Variants in ZBTB33 observed in about 807,000 individuals in gnomAD.
ZBTB33 encodes the protein transcriptional regulator Kaiso.
In ZBTB33, 11 loss-of-function variants were observed where a neutral mutation model predicts 25.9. The ratio of observed to expected loss-of-function variants is 0.42; its 90% CI spans 0.27 to 0.70. The LOEUF (loss-of-function observed/expected upper bound fraction) is 0.70, where lower values mean the gene tolerates loss of function less well. Ranked by LOEUF, ZBTB33 falls within the 30% of genes least tolerant of loss-of-function variation. The probability of loss-of-function intolerance (pLI) is 0.23; values close to 1 mark genes in which losing one functional copy is unlikely to be tolerated. For synonymous variants in ZBTB33, 157 were observed against 184.8 expected, an observed-to-expected ratio of 0.85 and a Z score of 1.22; for missense variants, 343 against 501.1, an observed-to-expected ratio of 0.68 and a Z score of 3.01.
In ZBTB33 at chrX:120,258,171, T is replaced by C. The variant is rs1358108333; in HGVS notation, c.*2737T>C. 4.1e-5 allele frequency: 5 copies of C among 123,301 alleles called. No individual in the cohort carries two copies. Among genetic ancestry groups the C allele is most frequent in the African/African-American group, 1.6e-4 (5 of 30,806 alleles). The allele number at this position is 123,301 out of a possible 1,213,427, so 10.2% of individuals were successfully genotyped here. ...AAAATGGTAAACACTGATCAAGGTA[T>C]TTTGTATTGTCAAGGCATGCATATT... On this transcript the variant is annotated 3_prime_UTR_variant, in exon 3 of 3. Coordinates refer to ENST00000557385, the MANE Select transcript of ZBTB33 (RefSeq NM_001184742.2).
At position 120,256,986 on chromosome X, in the gene ZBTB33, GTTC is replaced by G. The variant is rs1174465403; in HGVS notation, c.*1557_*1559del. 4 of 122,214 alleles carry G rather than the reference GTTC, an allele frequency of 3.3e-5. No homozygotes were observed. Among genetic ancestry groups the G allele is most frequent in the Non-Finnish European group, 7.6e-5 (4 of 52,879 alleles). 10.1% of individuals were successfully genotyped at this position (122,214 alleles called of 1,213,427 possible). ...AATCATAATTTCTCATGTATACATCGTTCTTCTGATGGTAAGCTGGATTTGAAG... is the reference window on the plus strand; with the variant it reads ...AATCATAATTTCTCATGTATACATCGTTCTGATGGTAAGCTGGATTTGAAG... On this transcript the variant is annotated 3_prime_UTR_variant, in exon 3 of 3. Transcript: ENST00000557385.
chrX:120,251,150 G>C (rs2057596745), intron 1 of ZBTB33, among the ~76,000 whole-genome samples, 173 bp downstream of exon 1: 1 of 111,742 alleles, frequency 8.9e-6, no homozygotes, highest in Admixed American at 9.3e-5. Flanking sequence ...GAGGGGACGA[G>C]CCGCGAGGGC....
Position 120,253,833 on chromosome X carries a change from C to T in ZBTB33, c.418C>T (p.Pro140Ser), listed in dbSNP as rs147970553. Residue 140 changes from proline to serine, a missense_variant, in exon 3 of 3, where the codon CCT becomes TCT. Physicochemically the swap from Pro to Ser is moderately conservative, Grantham distance 74 (BLOSUM62 -1). Around this residue, in one of 2 missense-constraint regions of ZBTB33, gnomAD observed 304 missense variants for 410.0 expected, o/e 0.74. Coordinates refer to ENST00000557385, the MANE Select transcript of ZBTB33 (RefSeq NM_001184742.2). ...AQDGNTEPLP[P>S]DSGDKNLVIQ... ...GGATGGTAATACTGAGCCTTTACCT[C>T]CTGATTCTGGTGACAAGAACCTTGT... 169 of 1,209,378 alleles carry T rather than the reference C, an allele frequency of 1.4e-4. No homozygotes were observed. The East Asian group carries it at 3.6e-3, about 26-fold the overall frequency.
chrX:120,254,950 A>G lies in ZBTB33; in HGVS notation c.1535A>G (p.His512Arg). 1 of 1,212,152 alleles carries G rather than the reference A, an allele frequency of 8.2e-7. No homozygotes were observed. The highest frequency in any genetic ancestry group is 1.1e-6 in the Non-Finnish European group (1 of 895,591). Residue 512 changes from histidine to arginine, a missense_variant, in exon 3 of 3, where the codon CAT becomes CGT. Physicochemically the swap from His to Arg is conservative, Grantham distance 29. Coordinates refer to ENST00000557385, the MANE Select transcript of ZBTB33 (RefSeq NM_001184742.2). Reference sequence around the variant, plus strand: ...GTCTGTCTGACAAGCTTGCGGAGACATTTTAACATTCATTCTTGGGAGAAG... The same window carrying G: ...GTCTGTCTGACAAGCTTGCGGAGACGTTTTAACATTCATTCTTGGGAGAAG... ...SYVCLTSLRR[H>R]FNIHSWEKKY...
rs139977503 is a variant in ZBTB33, at chrX:120,255,614, G to T, written c.*180G>T. The T allele has an allele frequency of 1.2e-3, 509 of 433,817 alleles. 5 individuals are homozygous for T. The East Asian group carries it at 0.017, about 15-fold the overall frequency. 35.8% of individuals were successfully genotyped at this position (433,817 alleles called of 1,213,427 possible). A position where few individuals can be genotyped will look rare whatever the true frequency, so the allele number is the denominator to read the frequency against. On this transcript the variant is annotated 3_prime_UTR_variant, in exon 3 of 3. Transcript: ENST00000557385. ...AATTTTCCTGAAAGTTTTGAGTAGA[G>T]GTGAGACCCCCTCCCCAAGTATCTG...
Position 120,254,997 on chromosome X carries a change from G to C in ZBTB33, c.1582G>C (p.Glu528Gln). 1 of 1,212,004 alleles carries C rather than the reference G, an allele frequency of 8.3e-7. No homozygotes were observed. Among genetic ancestry groups the C allele is most frequent in the Non-Finnish European group, 1.1e-6 (1 of 895,544 alleles). ...GAAGAAGTATCCGTGCCGTTACTGT[G>C]AGAAGGTATTTCCTCTTGCAGAATA... ...WEKKYPCRYC[E>Q]KVFPLAEYRT... The change falls in exon 3 of 3, where the codon GAG becomes CAG. Residue 528 changes from glutamate (E) to glutamine (Q), a missense_variant. Glu to Gln is a conservative substitution (Grantham distance 29). Around this residue, in one of 2 missense-constraint regions of ZBTB33, gnomAD observed 304 missense variants for 410.0 expected, o/e 0.74. Transcript: ENST00000557385.
rs1410321573 is a variant in ZBTB33, at chrX:120,258,235, T to C, written c.*2801T>C. ...TGCTAACTTAACAGCACTGGCTTTC[T>C]GGCTGGTCAACTATATGAAACCTTG... On this transcript the variant is annotated 3_prime_UTR_variant, in exon 3 of 3. Coordinates refer to ENST00000557385, the MANE Select transcript of ZBTB33 (RefSeq NM_001184742.2). 1 of 123,364 alleles carries C rather than the reference T, an allele frequency of 8.1e-6. No homozygotes were observed. The allele number at this position is 123,364 out of a possible 1,213,427, so 10.2% of individuals were successfully genotyped here.
Position 120,255,491 on chromosome X carries a change from G to C in ZBTB33, c.*57G>C, listed in dbSNP as rs1419953267. 6.2e-6 allele frequency: 6 copies of C among 963,387 alleles called. No individual in the cohort carries two copies. The highest frequency in any genetic ancestry group is 8.6e-6 in the Non-Finnish European group (6 of 701,420). The allele number at this position is 963,387 out of a possible 1,213,427, so 79.4% of individuals were successfully genotyped here. On this transcript the variant is annotated 3_prime_UTR_variant, in exon 3 of 3. Coordinates refer to ENST00000557385, the MANE Select transcript of ZBTB33 (RefSeq NM_001184742.2). ...GGATGATGGGGCAGGGGTTTCAGAA[G>C]ATCTGTAAAACAAATTAAGGTGCGA...
Position 120,256,068 on chromosome X carries a change from A to G in ZBTB33, c.*634A>G, listed in dbSNP as rs1461455254. On this transcript the variant is annotated 3_prime_UTR_variant, in exon 3 of 3. Transcript: ENST00000557385. ...AGAATTAATCCTGGCTTTCATTGCC[A>G]TAGTCTGTAAAAGACTTTGGTGGCT... 2.4e-5 allele frequency: 3 copies of G among 123,241 alleles called. No homozygotes were observed. The highest frequency in any genetic ancestry group is 5.6e-5 in the Non-Finnish European group (3 of 53,251). 10.2% of individuals were successfully genotyped at this position (123,241 alleles called of 1,213,427 possible).
In ZBTB33 at chrX:120,257,381, T is replaced by TA. The variant is rs1156770603; in HGVS notation, c.*1948dup. 31 of 123,283 alleles carry TA rather than the reference T, an allele frequency of 2.5e-4. No individual in the cohort carries two copies. Among genetic ancestry groups the TA allele is most frequent in the Non-Finnish European group, 1.5e-4 (8 of 53,158 alleles). The allele number at this position is 123,283 out of a possible 1,213,427, so 10.2% of individuals were successfully genotyped here. On this transcript the variant is annotated 3_prime_UTR_variant, in exon 3 of 3. Coordinates refer to ENST00000557385, the MANE Select transcript of ZBTB33 (RefSeq NM_001184742.2). Reference sequence around the variant, plus strand: ...TAATTACTTCTACCGATGTGAATGATACGGATGCCGGCAGAGCTTCCAGAT... The same window carrying TA: ...TAATTACTTCTACCGATGTGAATGATAACGGATGCCGGCAGAGCTTCCAGAT...
chrX:120,256,673 A>G lies in ZBTB33; in HGVS notation c.*1239A>G, dbSNP rs1556015532. 8.1e-6 allele frequency: 1 copy of G among 123,289 alleles called. No individual in the cohort carries two copies. The highest frequency in any genetic ancestry group is 1.9e-5 in the Non-Finnish European group (1 of 53,107). The allele number at this position is 123,289 out of a possible 1,213,427, so 10.2% of individuals were successfully genotyped here. A position where few individuals can be genotyped will look rare whatever the true frequency, so the allele number is the denominator to read the frequency against. On this transcript the variant is annotated 3_prime_UTR_variant, in exon 3 of 3. Coordinates refer to ENST00000557385, the MANE Select transcript of ZBTB33 (RefSeq NM_001184742.2). ...ACACATATTTAAACACTTAGAAAAT[A>G]AAGTTAACACTTACTGAAGTGCTAG...
At position 120,253,989 on chromosome X, in the gene ZBTB33, G is replaced by A; in HGVS notation, c.574G>A (p.Asp192Asn). The change falls in exon 3 of 3, where the codon GAT (aspartate) becomes AAT (asparagine). Residue 192 changes from aspartate to asparagine, a missense_variant. Around this residue, in one of 2 missense-constraint regions of ZBTB33, gnomAD observed 304 missense variants for 410.0 expected, o/e 0.74. Transcript: ENST00000557385. Reference sequence around the variant, plus strand: ...CATTGTTACCGATTCTGATGATGATGATGATGATGTCATTTTTTGCTCCGA... The same window carrying A: ...CATTGTTACCGATTCTGATGATGATAATGATGATGTCATTTTTTGCTCCGA... ...KIIVTDSDDD[D>N]DDVIFCSEIL... 8.3e-7 allele frequency: 1 copy of A among 1,209,117 alleles called. No homozygotes were observed. The highest frequency in any genetic ancestry group is 1.1e-6 in the Non-Finnish European group (1 of 893,887).
rs1264441598 is a variant in ZBTB33, at chrX:120,253,836, G to C, written c.421G>C (p.Asp141His). 2 of 1,209,409 alleles carry C rather than the reference G, an allele frequency of 1.7e-6. No individual in the cohort carries two copies. Among genetic ancestry groups the C allele is most frequent in the African/African-American group, 3.5e-5 (2 of 56,977 alleles). Reference protein sequence around the residue: ...QDGNTEPLPPDSGDKNLVIQK... With the variant: ...QDGNTEPLPPHSGDKNLVIQK... ...TGGTAATACTGAGCCTTTACCTCCT[G>C]ATTCTGGTGACAAGAACCTTGTAAT... Residue 141 changes from aspartate (D) to histidine (H), a missense_variant, in exon 3 of 3, where the codon GAT (aspartate) becomes CAT (histidine). Asp to His is a moderately conservative substitution (Grantham distance 81, BLOSUM62 -1). Transcript: ENST00000557385.
rs2057638414 is a variant in ZBTB33, at chrX:120,256,457, AAT to A, written c.*1025_*1026del. The A allele has an allele frequency of 8.2e-6, 1 of 122,411 alleles. No homozygotes were observed. The highest frequency in any genetic ancestry group is 1.9e-5 in the Non-Finnish European group (1 of 52,954). 10.1% of individuals were successfully genotyped at this position (122,411 alleles called of 1,213,427 possible). On this transcript the variant is annotated 3_prime_UTR_variant, in exon 3 of 3. Coordinates refer to ENST00000557385, the MANE Select transcript of ZBTB33 (RefSeq NM_001184742.2). ...TCTCCACTAGGAAGTCTTTATTTGA[AAT>A]AGTTGAATCAGTGATCTAGTATTTT...
chrX:120,254,624 C>T lies in ZBTB33; in HGVS notation c.1209C>T (p.Gly403=), dbSNP rs377285531. 2.1e-5 allele frequency: 25 copies of T among 1,209,371 alleles called. No individual in the cohort carries two copies. Among genetic ancestry groups the T allele is most frequent in the African/African-American group, 1.7e-4 (10 of 57,145 alleles). The change falls in exon 3 of 3, where the codon GGC becomes GGT. Residue 403 remains glycine, a synonymous_variant. Transcript: ENST00000557385. ...TTACTAGAAATACTAATGATCCAGG[C>T]GTAGGATCAAAACATCTAATGGAGG... The part of the protein sequence containing the change: ...DIITRNTNDP[G]VGSKHLMEGQ...
intron 2 of ZBTB33, 140 bp from the exon 3 acceptor site, chrX:120,253,274 T>G: frequency 1.6e-6 from 1 of 636,735 alleles, no homozygotes; most frequent in East Asian, 3.6e-5. Flanking sequence ...GAACAATTTC[T>G]GTAAAAGCCA....
chrX:120,250,992 C>G lies in ZBTB33; in HGVS notation c.-105+15C>G, dbSNP rs2057595332. 1 of 113,065 alleles carries G rather than the reference C, an allele frequency of 8.8e-6. No homozygotes were observed. The highest frequency in any genetic ancestry group is 9.2e-5 in the Admixed American group (1 of 10,826). 9.3% of individuals were successfully genotyped at this position (113,065 alleles called of 1,213,427 possible). Reference sequence around the variant, plus strand: ...CCGGGAAGCAGGTGAGGACCCGGCCCCAATCAGGGAGGGGGCGAAGGAGCG... The same window carrying G: ...CCGGGAAGCAGGTGAGGACCCGGCCGCAATCAGGGAGGGGGCGAAGGAGCG... On this transcript the variant is annotated intron_variant, in intron 1 of 2. Coordinates refer to ENST00000557385, the MANE Select transcript of ZBTB33 (RefSeq NM_001184742.2).
At position 120,254,210 on chromosome X, in the gene ZBTB33, A is replaced by G; in HGVS notation, c.795A>G (p.Glu265=). Residue 265 remains glutamate, a synonymous_variant, in exon 3 of 3, where the codon GAA becomes GAG. Transcript: ENST00000557385. ...CTTTGAGCCAAACACAAGGAAGTGA[A>G]AAATTGTTGGTATCTTCAGCTCCAA... The part of the protein sequence containing the change: ...QATLSQTQGS[E]KLLVSSAPTH... 1.6e-6 allele frequency: 2 copies of G among 1,212,130 alleles called. No individual in the cohort carries two copies. Among genetic ancestry groups the G allele is most frequent in the Non-Finnish European group, 2.2e-6 (2 of 895,604 alleles).
At position 120,255,308 on chromosome X, in the gene ZBTB33, A is replaced by G. The variant is rs782793665; in HGVS notation, c.1893A>G (p.Thr631=). Residue 631 remains threonine, a synonymous_variant, in exon 3 of 3, where the codon ACA becomes ACG. Coordinates refer to ENST00000557385, the MANE Select transcript of ZBTB33 (RefSeq NM_001184742.2). ...AAGAACCTCCAGTAGGGACCACTAC[A>G]TCTACTCAGAACAAGCCAATGACCT... ...TGKEPPVGTT[T]STQNKPMTWE... is the part of the protein sequence containing the mutation. 2.6e-5 allele frequency: 32 copies of G among 1,210,179 alleles called. No individual in the cohort carries two copies. The East Asian group carries it at 8.3e-4, about 31-fold the overall frequency.
Sources: allele counts gnomAD v4.1 joint callset (sites outside exome capture counted in the v4.1 genomes callset), GRCh38; gene constraint gnomAD v4.1.1; regional missense constraint gnomAD v4.1.1; transcripts MANE v1.5; gene names NCBI Gene and HGNC (gene_info 2026-07-23, HGNC 2026-07-21).